COL19A1: variants seen among roughly 807,000 people sequenced by gnomAD.
COL19A1 encodes the protein collagen alpha-1(XIX) chain.
In COL19A1, 159 loss-of-function variants were observed where a neutral mutation model predicts 190.2. The observed-to-expected ratio is 0.84, with a 90% CI of 0.73 to 0.95. The LOEUF (loss-of-function observed/expected upper bound fraction) is 0.95. Among genes scored for constraint, COL19A1 ranks in the 40% least tolerant of loss-of-function variants. The probability of loss-of-function intolerance (pLI) is 0.00; values close to 1 mark genes in which losing one functional copy is unlikely to be tolerated. For missense variants in COL19A1, 1,418 were observed against 1,431.9 expected (o/e 0.99, Z 0.16); for synonymous variants, 509 against 458.9 (o/e 1.11, Z -1.39).
At chr6:70,101,847 C>T (rs1783650385) in intron 15 of COL19A1, among the ~76,000 whole-genome samples, 1 of 152,132 alleles carries the variant, frequency 6.6e-6, no homozygotes, top group Non-Finnish European at 1.5e-5. Context: ...TCCGAAACCA[C>T]AGAATCATCA....
chr6:69,872,319 G>A (rs546167262), intron 1 of COL19A1, among the ~76,000 whole-genome samples: 17 of 151,832 alleles, frequency 1.1e-4, no homozygotes, highest in Non-Finnish European at 1.6e-4. Context: ...CTATCAATAG[G>A]TATCAATAGG....
chr6:70,182,522 T>A (rs1471781721), intron 44 of COL19A1, among the ~76,000 whole-genome samples: 1 of 151,916 alleles, frequency 6.6e-6, no homozygotes, highest in African/African-American at 2.4e-5. Context: ...AAAAGTGGAG[T>A]CACTGTGGAT....
intron 15 of COL19A1, among the ~76,000 whole-genome samples, chr6:70,076,263 G>A (rs1781876917): frequency 6.6e-6 from 1 of 152,036 alleles, no homozygotes; most frequent in African/African-American, 2.4e-5. Context: ...AAGGCTGCAG[G>A]GCTATTTATT....
chr6:69,931,452 C>G (rs1772755221), intron 6 of COL19A1, among the ~76,000 whole-genome samples: 1 of 152,034 alleles, frequency 6.6e-6, no homozygotes, highest in Non-Finnish European at 1.5e-5. Context: ...TTAAGTAAAA[C>G]AATTCATAAG....
At chr6:69,890,401 T>G (rs1582296920) in intron 2 of COL19A1, 1 of 152,234 alleles carries the variant, frequency 6.6e-6, no homozygotes, top group Non-Finnish European at 1.5e-5. Flanking sequence ...TTCAGTCAAC[T>G]AATCTCCCTC....
intron 14 of COL19A1, among the ~76,000 whole-genome samples, chr6:70,065,248 A>G (rs1417374026): frequency 6.6e-6 from 1 of 152,200 alleles, no homozygotes; most frequent in Non-Finnish European, 1.5e-5. Flanking sequence ...TGATACTGGT[A>G]CCAAAACAGA....
At chr6:69,888,699 A>AG (rs1769115670) in intron 2 of COL19A1, among the ~76,000 whole-genome samples, 1 of 151,538 alleles carries the variant, frequency 6.6e-6, no homozygotes, top group Non-Finnish European at 1.5e-5. Flanking sequence ...AGGCTGAGTC[A>AG]GGGGAATTGC....
chr6:69,928,914 A>G (rs1278025802), intron 5 of COL19A1, among the ~76,000 whole-genome samples: 2 of 152,122 alleles, frequency 1.3e-5, no homozygotes, highest in Non-Finnish European at 2.9e-5. Context: ...AACCAAGAGT[A>G]TGTCCTCTAT....
chr6:70,181,832 G>T (rs1039348239), intron 44 of COL19A1, among the ~76,000 whole-genome samples: 2 of 152,182 alleles, frequency 1.3e-5, no homozygotes, highest in Middle Eastern at 3.4e-3. Flanking sequence ...ATTGTTTCAG[G>T]AAAAAGAAAT....
intron 15 of COL19A1, among the ~76,000 whole-genome samples, chr6:70,095,928 T>C (rs528020483): frequency 2.6e-5 from 4 of 152,306 alleles, no homozygotes; most frequent in Non-Finnish European, 4.4e-5. Flanking sequence ...TATTTATCCA[T>C]TCATCCATTG....
At chr6:70,084,252 A>T (rs913665810) in intron 15 of COL19A1, among the ~76,000 whole-genome samples, 5 of 152,158 alleles carry the variant, frequency 3.3e-5, no homozygotes, top group African/African-American at 1.2e-4. Flanking sequence ...TTTAGGATCG[A>T]GTTTAGACTT....
intron 11 of COL19A1, among the ~76,000 whole-genome samples, chr6:70,005,644 C>G (rs7771757): frequency 0.18 from 26,619 of 151,972 alleles, 2,922 homozygotes; most frequent in African/African-American, 0.31. Flanking sequence ...TGGGTGGCAT[C>G]GGGAACAGGA....
At chr6:69,920,477 A>G (rs1319566568) in intron 4 of COL19A1, among the ~76,000 whole-genome samples, 2 of 152,178 alleles carry the variant, frequency 1.3e-5, no homozygotes, top group African/African-American at 4.8e-5. Context: ...AAGGCTTCAG[A>G]GATACTCCAG....
At chr6:70,192,291 G>A (rs1178827031) in intron 48 of COL19A1, among the ~76,000 whole-genome samples, 2 of 152,040 alleles carry the variant, frequency 1.3e-5, no homozygotes, top group Admixed American at 6.6e-5. Flanking sequence ...TTTAAAGGTC[G>A]TGAATTTATG....
intron 11 of COL19A1, among the ~76,000 whole-genome samples, chr6:69,980,631 A>G (rs755456355): frequency 6.6e-6 from 1 of 152,180 alleles, no homozygotes; most frequent in Non-Finnish European, 1.5e-5. Context: ...TTAATAGGTG[A>G]CCAGTTAACA....
At chr6:70,103,445 C>G (rs1783758449) in intron 16 of COL19A1, among the ~76,000 whole-genome samples, 1 of 152,098 alleles carries the variant, frequency 6.6e-6, no homozygotes, top group Non-Finnish European at 1.5e-5. Flanking sequence ...AAGCTTAAAA[C>G]TATTTGATTT....
At chr6:70,159,829 A>G (rs964670275) in intron 34 of COL19A1, among the ~76,000 whole-genome samples, 1 of 152,186 alleles carries the variant, frequency 6.6e-6, no homozygotes, top group Non-Finnish European at 1.5e-5. Flanking sequence ...AAAGAATGGT[A>G]TGGCAATCCA....
chr6:69,953,635 G>A lies in COL19A1; in HGVS notation c.937-6361G>A, dbSNP rs115926717. Among the ~76,000 whole-genome samples, 424 of 152,060 alleles carry A rather than the reference G, an allele frequency of 2.8e-3. 3 individuals are homozygous for A. Among genetic ancestry groups the A allele is most frequent in the African/African-American group, 9.5e-3 (396 of 41,506 alleles). ...TAATGGTTTCTTATTCCCTTCTAAT[G>A]CCTTCCACTCACACCCCAAGTAGAG... On this transcript the variant is annotated intron_variant, in intron 9 of 50. Transcript: ENST00000620364.
At chr6:70,144,559 C>A (rs138875043) in intron 24 of COL19A1, among the ~76,000 whole-genome samples, 1 of 152,144 alleles carries the variant, frequency 6.6e-6, no homozygotes, top group Non-Finnish European at 1.5e-5. Flanking sequence ...GGATCTGTTT[C>A]TTGATATCTA....
Sources: gnomAD v4.1 joint callset for allele counts (sites outside exome capture counted in the v4.1 genomes callset) on GRCh38, gnomAD v4.1.1 for gene constraint, MANE v1.5 for transcripts, NCBI Gene and HGNC (gene_info 2026-07-23, HGNC 2026-07-21) for gene names.